The following MIA2 variants were observed in gnomAD, a reference collection of about 807,000 sequenced individuals.
MIA2 encodes melanoma inhibitory activity protein 2.
In MIA2, 127 loss-of-function variants were observed where a neutral mutation model predicts 167.8. The ratio of observed to expected loss-of-function variants is 0.76; its 90% confidence interval spans 0.66 to 0.88. The LOEUF is 0.88. Ranked by LOEUF, MIA2 falls within the 40% of genes least tolerant of loss-of-function variation. The probability of loss-of-function intolerance (pLI) is 0.00; values close to 1 mark genes in which losing one functional copy is unlikely to be tolerated. For synonymous variants in MIA2, 552 were observed against 541.9 expected, an observed-to-expected ratio of 1.02 and a Z score of -0.26; for missense variants, 1,690 against 1,624.7, an observed-to-expected ratio of 1.04 and a Z score of -0.69.
At chr14:39,313,923 T>C (rs943250051) in intron 19 of MIA2, among the ~76,000 whole-genome samples, 1 of 152,154 alleles carries the variant, frequency 6.6e-6, no homozygotes, top group Non-Finnish European at 1.5e-5. Context: ...ATAGAAAATA[T>C]AGAGAAAAAA....
Position 39,310,287 on chromosome 14 carries a change from A to C in MIA2, c.3017+1700A>C, listed in dbSNP as rs566774072. Among the ~76,000 whole-genome samples, 8 of 152,218 alleles carry C rather than the reference A, an allele frequency of 5.3e-5. No homozygotes were observed. In the South Asian group the frequency reaches 1.4e-3, roughly 28 times the overall value. On this transcript the variant is annotated intron_variant, in intron 18 of 28. Transcript: ENST00000640607. ...TTAGTGCCTCATTTTTTACATTTTT[A>C]TGCTTTTTGCTGGTGATTTAGCTGT...
At chr14:39,371,228 T>C (rs58189039) in intron 23 of MIA2, among the ~76,000 whole-genome samples, 2,116 of 152,266 alleles carry the variant, frequency 0.014, 53 homozygotes, top group African/African-American at 0.048. Context: ...ATTAAATATC[T>C]TTATTTATTC....
intron 9 of MIA2, among the ~76,000 whole-genome samples, chr14:39,288,728 T>C (rs1200935486): frequency 6.6e-6 from 1 of 151,772 alleles, no homozygotes. Flanking sequence ...CCCAAAGTGC[T>C]GGGATTACAT....
intron 23 of MIA2, among the ~76,000 whole-genome samples, chr14:39,358,317 T>C (rs944958626): frequency 3.1e-4 from 47 of 152,210 alleles, no homozygotes; most frequent in African/African-American, 1.1e-3. Flanking sequence ...CTTCCATCAC[T>C]CATACCCTTT....
At chr14:39,360,572 T>G (rs1248363345) in intron 23 of MIA2, among the ~76,000 whole-genome samples, 1 of 152,236 alleles carries the variant, frequency 6.6e-6, no homozygotes, top group African/African-American at 2.4e-5. Flanking sequence ...ATGAATAGTT[T>G]GCATATATTT....
intron 25 of MIA2, among the ~76,000 whole-genome samples, chr14:39,343,155 A>AT (rs1173186971): frequency 6.6e-6 from 1 of 151,840 alleles, no homozygotes; most frequent in South Asian, 2.1e-4. Flanking sequence ...TTCAATTTTT[A>AT]TTTTTTTGGG....
At chr14:39,343,184 G>A (rs1485871338) in intron 25 of MIA2, among the ~76,000 whole-genome samples, 1 of 151,964 alleles carries the variant, frequency 6.6e-6, no homozygotes, top group Non-Finnish European at 1.5e-5. Flanking sequence ...TTGCTTTGTC[G>A]CTCAGGCTGG....
intron 9 of MIA2, among the ~76,000 whole-genome samples, chr14:39,289,781 C>G (rs919781120): frequency 7.2e-5 from 11 of 152,272 alleles, no homozygotes; most frequent in Middle Eastern, 6.8e-3. Context: ...CCATGCCCAG[C>G]CTTAAAACCA....
intron 6 of MIA2, among the ~76,000 whole-genome samples, chr14:39,264,168 T>C (rs2055300829): frequency 6.6e-6 from 1 of 152,218 alleles, no homozygotes; most frequent in African/African-American, 2.4e-5. Flanking sequence ...ACCCAAGATT[T>C]AGCTGCCACT....
At chr14:39,355,839 A>C (rs2074508885), downstream of MIA2, among the ~76,000 whole-genome samples, 1 of 152,114 alleles carries the variant, frequency 6.6e-6, no homozygotes, top group Non-Finnish European at 1.5e-5. Context: ...GGTTCTGTTT[A>C]TATCTGGATT....
rs543925281 is a variant in MIA2, at chr14:39,340,014, T to A, written c.3656-5890T>A. On this transcript the variant is annotated intron_variant, in intron 25 of 28. Transcript: ENST00000640607. ...GCATGCACCACTAATGCCTAATTTTTAAATTTTCTGTAGAGACGGGGCCTC... is the reference window on the plus strand; with the variant it reads ...GCATGCACCACTAATGCCTAATTTTAAAATTTTCTGTAGAGACGGGGCCTC... Among the ~76,000 whole-genome samples the A allele has an allele frequency of 9.9e-5, 15 of 152,246 alleles. No homozygotes were observed. The South Asian group carries it at 2.3e-3, about 23-fold the overall frequency.
chr14:39,385,963 G>A, intron 23 of MIA2: 3 of 816,542 alleles, frequency 3.7e-6, no homozygotes, highest in Non-Finnish European at 6.3e-6. Context: ...AGGACCAGGA[G>A]CCTGTCCGCC....
At chr14:39,315,611 A>G in intron 20 of MIA2, 72 bp from the exon 21 acceptor site, 1 of 1,143,370 alleles carries the variant, frequency 8.7e-7, no homozygotes, top group African/African-American at 1.6e-5. Context: ...ACTACATCAT[A>G]GTGGTAGATG....
At position 39,320,598 on chromosome 14, in the gene MIA2, A is replaced by G. The variant is rs139445658; in HGVS notation, c.3368-330A>G. Among the ~76,000 whole-genome samples the G allele has an allele frequency of 8.3e-3, 1,266 of 152,304 alleles. 78 individuals carry two copies. The highest frequency in any genetic ancestry group is 0.078 in the Admixed American group (1,197 of 15,286). ...TACTGCCAGTAAAAACAAACCAAAA[A>G]AAAATCTAACTTTATGCTCCTATAA... On this transcript the variant is annotated intron_variant, in intron 23 of 28. Coordinates refer to ENST00000640607, the MANE Select transcript of MIA2 (RefSeq NM_001329214.4).
intron 17 of MIA2, among the ~76,000 whole-genome samples, chr14:39,305,805 A>G (rs1014016041): frequency 2.0e-5 from 3 of 152,086 alleles, no homozygotes; most frequent in African/African-American, 7.2e-5. Context: ...GCGTGGTGGC[A>G]CATGCCTGTA....
At chr14:39,243,529 A>G (rs1240679967) in intron 3 of MIA2, among the ~76,000 whole-genome samples, 1 of 152,206 alleles carries the variant, frequency 6.6e-6, no homozygotes, top group Non-Finnish European at 1.5e-5. Context: ...AAAGGCATAC[A>G]AATTTATTTG....
intron 6 of MIA2, among the ~76,000 whole-genome samples, chr14:39,274,943 TG>T (rs1292536376): frequency 6.7e-6 from 1 of 149,878 alleles, no homozygotes; most frequent in Non-Finnish European, 1.5e-5. Flanking sequence ...GGCATGGTGG[TG>T]GGCACCTGTA....
chr14:39,260,254 T>C (rs1428506484), intron 6 of MIA2, among the ~76,000 whole-genome samples: 2 of 152,376 alleles, frequency 1.3e-5, no homozygotes, highest in Middle Eastern at 3.4e-3. Context: ...ATGGTATTTC[T>C]AGCTTTAGAT....
chr14:39,309,608 A>C (rs1238058767), intron 18 of MIA2, among the ~76,000 whole-genome samples: 1 of 152,206 alleles, frequency 6.6e-6, no homozygotes, highest in Non-Finnish European at 1.5e-5. Context: ...TAACTAAAAT[A>C]ATACCTGCTA....
Sources: allele counts gnomAD v4.1 joint callset (sites outside exome capture counted in the v4.1 genomes callset), GRCh38; gene constraint gnomAD v4.1.1; transcripts MANE v1.5; gene names NCBI Gene and HGNC (gene_info 2026-07-23, HGNC 2026-07-21).